The following GNA14 variants were observed in gnomAD, a reference collection of about 807,000 sequenced individuals.
GNA14 encodes the protein G protein subunit alpha 14, also known as guanine nucleotide-binding protein subunit alpha-14.
GNA14 carries 50 observed loss-of-function variants against 42.0 expected under a neutral mutation model. The observed-to-expected ratio is 1.19, with a 90% CI of 0.95 to 1.51. GNA14 has a LOEUF of 1.51. Ranked by LOEUF, GNA14 falls within the 40% of genes most tolerant of loss-of-function variation. The pLI, the probability that GNA14 is intolerant of heterozygous loss-of-function variation, is 0.00. For missense variants in GNA14, 473 were observed against 446.2 expected (o/e 1.06, Z -0.54); for synonymous variants, 173 against 163.1 (o/e 1.06, Z -0.46).
At chr9:77,582,765 G>A (rs922551098) in intron 1 of GNA14, among the ~76,000 whole-genome samples, 16 of 152,122 alleles carry the variant, frequency 1.1e-4, no homozygotes, top group Non-Finnish European at 1.5e-5. Flanking sequence ...AACACCTCCT[G>A]TTGTTGCCTA....
At chr9:77,630,934 C>G (rs572811424) in intron 1 of GNA14, among the ~76,000 whole-genome samples, 1 of 152,124 alleles carries the variant, frequency 6.6e-6, no homozygotes, top group African/African-American at 2.4e-5. Flanking sequence ...ACCCTTCCCC[C>G]AACATTAGAG....
At chr9:77,564,766 G>A (rs1822940150) in intron 1 of GNA14, among the ~76,000 whole-genome samples, 1 of 151,770 alleles carries the variant, frequency 6.6e-6, no homozygotes, top group South Asian at 2.1e-4. Context: ...CCAAGAGGCA[G>A]AGATTGCAGT....
intron 5 of GNA14, 139 bp from the exon 6 acceptor site, chr9:77,425,854 G>A: frequency 1.4e-6 from 1 of 696,134 alleles, no homozygotes; most frequent in East Asian, 2.9e-5. Context: ...TGGTGAGCAT[G>A]TGGGGCCCCA....
At chr9:77,607,474 T>C (rs1823659308) in intron 1 of GNA14, among the ~76,000 whole-genome samples, 1 of 152,178 alleles carries the variant, frequency 6.6e-6, no homozygotes, top group Admixed American at 6.5e-5. Context: ...ATGCTAGGTC[T>C]AACATTATAT....
chr9:77,578,486 C>T (rs557455918), intron 1 of GNA14, among the ~76,000 whole-genome samples: 2 of 152,052 alleles, frequency 1.3e-5, no homozygotes, highest in South Asian at 2.1e-4. Flanking sequence ...TATGAGTCAA[C>T]TATTGGAATA....
chr9:77,615,450 T>C (rs1040759719), intron 1 of GNA14, among the ~76,000 whole-genome samples: 1 of 152,094 alleles, frequency 6.6e-6, no homozygotes, highest in African/African-American at 2.4e-5. Flanking sequence ...GAAAAACTTG[T>C]TCAAGCTCAG....
At chr9:77,646,503 C>A (rs987988690) in intron 1 of GNA14, among the ~76,000 whole-genome samples, 2 of 152,098 alleles carry the variant, frequency 1.3e-5, no homozygotes, top group Non-Finnish European at 2.9e-5. Flanking sequence ...TAAGGGGGTT[C>A]TTCCGCCCAG....
chr9:77,635,124 A>G (rs1249528375), intron 1 of GNA14: 1 of 152,066 alleles, frequency 6.6e-6, no homozygotes, highest in Admixed American at 6.5e-5. Flanking sequence ...CATCACCCAA[A>G]CAGTGTACAC....
chr9:77,644,456 AAAAAAAAAG>A (rs1232903183), intron 1 of GNA14, among the ~76,000 whole-genome samples: 2 of 149,538 alleles, frequency 1.3e-5, no homozygotes, highest in African/African-American at 4.9e-5. Flanking sequence ...AAAAAAAAAA[AAAAAAAAAG>A]ACACAGGAAT....
intron 2 of GNA14, among the ~76,000 whole-genome samples, chr9:77,453,751 CA>C (rs928939750): frequency 6.6e-6 from 1 of 152,206 alleles, no homozygotes; most frequent in African/African-American, 2.4e-5. Context: ...AGCCTGCAGC[CA>C]CCACAACAAA....
intron 1 of GNA14, among the ~76,000 whole-genome samples, chr9:77,587,862 T>C (rs997628850): frequency 6.6e-6 from 1 of 152,210 alleles, no homozygotes. Context: ...GTTCTGGATT[T>C]CAAAAATCCT....
At chr9:77,572,555 C>T (rs1016465166) in intron 1 of GNA14, among the ~76,000 whole-genome samples, 6 of 152,144 alleles carry the variant, frequency 3.9e-5, no homozygotes, top group Non-Finnish European at 8.8e-5. Context: ...TGATCTGTGA[C>T]CTGTGATCCA....
intron 1 of GNA14, among the ~76,000 whole-genome samples, chr9:77,604,544 A>C (rs1266667654): frequency 6.6e-6 from 1 of 152,198 alleles, no homozygotes; most frequent in Admixed American, 6.5e-5. Context: ...ATACTGTCTG[A>C]AAACACAGTA....
chr9:77,613,702 T>C (rs1823766903), intron 1 of GNA14, among the ~76,000 whole-genome samples: 2 of 152,184 alleles, frequency 1.3e-5, no homozygotes, highest in African/African-American at 2.4e-5. Context: ...ATCATACATG[T>C]CAATCAATAA....
rs1183119826 is a variant in GNA14, at chr9:77,619,728, T to G, written c.124+27942A>C. On this transcript the variant is annotated intron_variant, in intron 1 of 6. Transcript: ENST00000341700. ...CCTCAGAATGGTGTCTGGCCTATAG[T>G]CAGCACTACATAATGTTATTGCTAT... is the stretch of plus-strand genomic sequence containing the variant. Among the ~76,000 whole-genome samples the G allele has an allele frequency of 4.6e-5, 7 of 152,196 alleles. No individual in the cohort carries two copies. The East Asian group carries it at 1.3e-3, about 29-fold the overall frequency.
chr9:77,425,365 G>C (rs1213916598), intron 6 of GNA14, among the ~76,000 whole-genome samples, 197 bp downstream of exon 6: 3 of 152,136 alleles, frequency 2.0e-5, no homozygotes, highest in Non-Finnish European at 4.4e-5. Context: ...CAAGCACTGA[G>C]GGAAGCACAT....
At chr9:77,479,800 CT>C (rs1214986636) in intron 2 of GNA14, among the ~76,000 whole-genome samples, 13 of 152,052 alleles carry the variant, frequency 8.5e-5, no homozygotes, top group African/African-American at 3.1e-4. Context: ...GTATTTTATT[CT>C]CTTTGAAGCA....
chr9:77,514,069 A>G (rs900751783), intron 2 of GNA14, among the ~76,000 whole-genome samples: 2 of 152,100 alleles, frequency 1.3e-5, no homozygotes, highest in African/African-American at 4.8e-5. Context: ...CTCAACAAAC[A>G]CATCCCAAGA....
At chr9:77,457,831 GT>G (rs1453782756) in intron 2 of GNA14, among the ~76,000 whole-genome samples, 1 of 151,720 alleles carries the variant, frequency 6.6e-6, no homozygotes, top group Non-Finnish European at 1.5e-5. Context: ...AAATAAAAAG[GT>G]CCTCCTTGGC....
Sources: gnomAD v4.1 joint callset for allele counts (sites outside exome capture counted in the v4.1 genomes callset) on GRCh38, gnomAD v4.1.1 for gene constraint, MANE v1.5 for transcripts, NCBI Gene and HGNC (gene_info 2026-07-23, HGNC 2026-07-21) for gene names.